The following PDS5B variants were observed in gnomAD, a reference collection of about 807,000 sequenced individuals.
PDS5B encodes PDS5 cohesin associated factor B.
PDS5B carries 51 observed loss-of-function variants against 184.1 expected under a neutral mutation model. The observed-to-expected ratio is 0.28, with a 90% confidence interval of 0.22 to 0.35. The LOEUF (loss-of-function observed/expected upper bound fraction) is 0.35. PDS5B is among the 10% of genes least tolerant of loss of function. The pLI, the probability that PDS5B is intolerant of heterozygous loss-of-function variation, is 1.00. For synonymous variants in PDS5B, 566 were observed against 569.2 expected, an observed-to-expected ratio of 0.99 and a Z score of 0.08; for missense variants, 1,180 against 1,723.3, an observed-to-expected ratio of 0.68 and a Z score of 5.58.
chr13:32,750,847 C>CTGTGTGTGTGTGTGTGTG lies in PDS5B; in HGVS notation c.2737-2461_2737-2444dup, dbSNP rs71194534. On this transcript the variant is annotated intron_variant, in intron 24 of 34. Transcript: ENST00000315596. ...GTGAGCCACTGCGCCCGGCCTCCCT[C>CTGTGTGTGTGTGTGTGTG]TGTGTGTGTGTGTGTGTGTGTGTGT... 1.0e-3 allele frequency among the ~76,000 whole-genome samples: 146 copies of CTGTGTGTGTGTGTGTGTG among 143,528 alleles called. 1 individual carries two copies. The highest frequency in any genetic ancestry group is 3.5e-3 in the Middle Eastern group (1 of 288). The allele number at this position is 143,528 out of a possible 152,430, so 94.2% of individuals were successfully genotyped here.
At chr13:32,734,628 C>A (rs1333186129) in intron 20 of PDS5B, among the ~76,000 whole-genome samples, 1 of 152,116 alleles carries the variant, frequency 6.6e-6, no homozygotes, top group Non-Finnish European at 1.5e-5. Context: ...TCTTTAAATC[C>A]CACTGGATCC....
intron 7 of PDS5B, among the ~76,000 whole-genome samples, chr13:32,671,195 T>C (rs1950926808): frequency 6.6e-6 from 1 of 152,012 alleles, no homozygotes; most frequent in Non-Finnish European, 1.5e-5. Flanking sequence ...CTGTGCTAGG[T>C]AGGCTTTTAC....
In PDS5B at chr13:32,678,993, T is replaced by C. The variant is rs1951153649; in HGVS notation, c.1057+64T>C. 5 of 871,730 alleles carry C rather than the reference T, an allele frequency of 5.7e-6. No homozygotes were observed. In the South Asian group the frequency reaches 7.9e-5, roughly 14 times the overall value. The allele number at this position is 871,730 out of a possible 1,614,324, so 54.0% of individuals were successfully genotyped here. A position where few individuals can be genotyped will look rare whatever the true frequency, so the allele number is the denominator to read the frequency against. On this transcript the variant is annotated intron_variant, in intron 10 of 34. Coordinates refer to ENST00000315596, the MANE Select transcript of PDS5B (RefSeq NM_015032.4). The stretch of plus-strand genomic sequence containing the variant: ...CTTCAGTGGAAAAAAATAAGTTTCA[T>C]AGGGGGAAAAAAAACCCCTTTTTTC...
At chr13:32,653,257 C>G (rs1179098338) in intron 3 of PDS5B, among the ~76,000 whole-genome samples, 1 of 151,908 alleles carries the variant, frequency 6.6e-6, no homozygotes, top group African/African-American at 2.4e-5. Flanking sequence ...CCGCTGCACT[C>G]CAGCCTGGCC....
intron 25 of PDS5B, among the ~76,000 whole-genome samples, chr13:32,755,029 C>A (rs1246071898): frequency 6.6e-6 from 1 of 152,128 alleles, no homozygotes; most frequent in Admixed American, 6.5e-5. Flanking sequence ...CCACGTCGGC[C>A]TTGAAATGAA....
At chr13:32,764,094 A>G (rs76007597) in intron 30 of PDS5B, among the ~76,000 whole-genome samples, 5,804 of 152,142 alleles carry the variant, frequency 0.038, 349 homozygotes, top group African/African-American at 0.13. Context: ...TAAATGTAAT[A>G]ATTATAGTGT....
intron 3 of PDS5B, among the ~76,000 whole-genome samples, chr13:32,655,827 T>G (rs1950499877): frequency 6.6e-6 from 1 of 152,260 alleles, no homozygotes; most frequent in South Asian, 2.1e-4. Context: ...CTTTTTAGTT[T>G]AATTAGGTCT....
At chr13:32,632,405 T>G (rs903475877) in intron 1 of PDS5B, among the ~76,000 whole-genome samples, 1 of 152,140 alleles carries the variant, frequency 6.6e-6, no homozygotes, top group African/African-American at 2.4e-5. Context: ...TGTAAGCACA[T>G]AAGATACTCA....
At chr13:32,768,041 C>T (rs1229273468) in intron 31 of PDS5B, among the ~76,000 whole-genome samples, 1 of 152,166 alleles carries the variant, frequency 6.6e-6, no homozygotes, top group Non-Finnish European at 1.5e-5. Context: ...GTGGAAAATC[C>T]AGTTTAGAAT....
At chr13:32,726,178 G>T (rs557510434) in intron 19 of PDS5B, among the ~76,000 whole-genome samples, 3 of 146,590 alleles carry the variant, frequency 2.0e-5, no homozygotes, top group African/African-American at 7.5e-5. Flanking sequence ...CCCCTTCCGT[G>T]CACATACCTG....
chr13:32,651,717 A>T, intron 2 of PDS5B, 87 bp from the exon 3 acceptor site: 1 of 749,316 alleles, frequency 1.3e-6, no homozygotes, highest in Non-Finnish European at 2.2e-6. Context: ...ATTTGAAGTT[A>T]ACCTTAGCAA....
intron 34 of PDS5B, 84 bp downstream of exon 34, chr13:32,773,408 G>A (rs1332235269): frequency 4.4e-5 from 51 of 1,158,324 alleles, no homozygotes; most frequent in Non-Finnish European, 6.1e-5. Flanking sequence ...TACTTGTTTA[G>A]TATTTATATG....
chr13:32,645,248 G>T (rs143582418), intron 1 of PDS5B, among the ~76,000 whole-genome samples: 4 of 152,294 alleles, frequency 2.6e-5, no homozygotes, highest in African/African-American at 9.6e-5. Flanking sequence ...CTTCCAAAGT[G>T]CTGGGATCAC....
intron 1 of PDS5B, among the ~76,000 whole-genome samples, chr13:32,638,240 TA>T (rs1011628898): frequency 6.6e-6 from 1 of 152,224 alleles, no homozygotes; most frequent in Non-Finnish European, 1.5e-5. Context: ...TCCCATTGCC[TA>T]AAAGAGTCAT....
intron 1 of PDS5B, among the ~76,000 whole-genome samples, chr13:32,609,523 C>G (rs1045726258): frequency 6.6e-6 from 1 of 152,188 alleles, no homozygotes; most frequent in African/African-American, 2.4e-5. Context: ...GTGAACCAAG[C>G]TTGCTTGCTT....
rs756144642 is a variant in PDS5B, at chr13:32,687,299, A to G, written c.1355+14A>G. 2.0e-6 allele frequency: 3 copies of G among 1,511,382 alleles called. No individual in the cohort carries two copies. In the Admixed American group the frequency reaches 7.0e-5, roughly 35 times the overall value. 93.6% of individuals were successfully genotyped at this position (1,511,382 alleles called of 1,614,324 possible). On this transcript the variant is annotated intron_variant, in intron 12 of 34. Coordinates refer to ENST00000315596, the MANE Select transcript of PDS5B (RefSeq NM_015032.4). ...TATTGATGATCGGTAAGTTAAGGAC[A>G]CTATAAATATTTGGTGACTTTGAAT...
At chr13:32,610,715 G>A (rs2058128148) in intron 1 of PDS5B, among the ~76,000 whole-genome samples, 2 of 151,590 alleles carry the variant, frequency 1.3e-5, no homozygotes, top group Non-Finnish European at 2.9e-5. Context: ...TTTGAGTCCT[G>A]GCTCTCCCCT....
At chr13:32,745,357 G>A (rs977217078) in intron 23 of PDS5B, among the ~76,000 whole-genome samples, 3 of 152,222 alleles carry the variant, frequency 2.0e-5, no homozygotes, top group South Asian at 2.1e-4. Context: ...TTTCTTCTAC[G>A]CTTGACTAAG....
chr13:32,699,297 ACT>A (rs1951798928), intron 15 of PDS5B, among the ~76,000 whole-genome samples: 1 of 152,160 alleles, frequency 6.6e-6, no homozygotes, highest in African/African-American at 2.4e-5. Context: ...GTATATGTAA[ACT>A]CTCTGGGTTG....
Sources: allele counts gnomAD v4.1 joint callset (sites outside exome capture counted in the v4.1 genomes callset), GRCh38; gene constraint gnomAD v4.1.1; transcripts MANE v1.5; gene names NCBI Gene and HGNC (gene_info 2026-07-23, HGNC 2026-07-21).